Variants in ARHGAP11B observed in about 807,000 individuals in gnomAD.
ARHGAP11B encodes the protein Rho GTPase activating protein 11B, also known as inactive Rho GTPase-activating protein 11B.
In ARHGAP11B, 14 loss-of-function variants were observed where a neutral mutation model predicts 27.6. The observed-to-expected ratio is 0.51, with a 90% CI of 0.34 to 0.79. The LOEUF is 0.79. Among genes scored for constraint, ARHGAP11B ranks in the 30% least tolerant of loss-of-function variants. The pLI is 0.02. For synonymous variants in ARHGAP11B, 82 were observed against 114.1 expected (o/e 0.72, Z 1.80); for missense variants, 245 against 320.1 (o/e 0.77, Z 1.79).
intron 7 of ARHGAP11B, among the ~76,000 whole-genome samples, chr15:30,640,068 G>C (rs2060306557): frequency 6.9e-6 from 1 of 145,478 alleles, no homozygotes. Context: ...TTGGGCTTCT[G>C]GTGATAGCAT....
At chr15:30,628,693 T>C (rs1001719391) in intron 1 of ARHGAP11B, among the ~76,000 whole-genome samples, 8 of 152,100 alleles carry the variant, frequency 5.3e-5, no homozygotes, top group Non-Finnish European at 1.5e-5. Context: ...GAAACACTTA[T>C]AAGAATATTC....
At chr15:30,630,134 C>A (rs1376191609) in intron 1 of ARHGAP11B, among the ~76,000 whole-genome samples, 1 of 152,144 alleles carries the variant, frequency 6.6e-6, no homozygotes, top group Non-Finnish European at 1.5e-5. Flanking sequence ...GCCTTGCTTA[C>A]CGCAGGGCAT....
At chr15:30,640,811 A>G (rs2060310812) in intron 7 of ARHGAP11B, among the ~76,000 whole-genome samples, 2 of 152,002 alleles carry the variant, frequency 1.3e-5, no homozygotes, top group African/African-American at 4.8e-5. Flanking sequence ...GCTCATTGAA[A>G]TGTGATGATA....
intron 2 of ARHGAP11B, among the ~76,000 whole-genome samples, chr15:30,633,234 A>G (rs889187421): frequency 1.3e-5 from 2 of 151,754 alleles, no homozygotes; most frequent in African/African-American, 4.8e-5. Flanking sequence ...TCTGAAGGGA[A>G]GCAGAAATGA....
chr15:30,646,985 A>G (rs1173042821), intron 9 of ARHGAP11B, among the ~76,000 whole-genome samples: 2 of 151,922 alleles, frequency 1.3e-5, no homozygotes, highest in South Asian at 2.1e-4. Flanking sequence ...AAAACAAAAC[A>G]AAACGTGATA....
intron 7 of ARHGAP11B, among the ~76,000 whole-genome samples, chr15:30,643,846 A>G (rs2060329270): frequency 6.6e-6 from 1 of 152,074 alleles, no homozygotes; most frequent in South Asian, 2.1e-4. Flanking sequence ...TGCAGAAGTT[A>G]GGTATAGAAA....
At chr15:30,641,288 TAA>T (rs982032376) in intron 7 of ARHGAP11B, among the ~76,000 whole-genome samples, 1 of 151,678 alleles carries the variant, frequency 6.6e-6, no homozygotes, top group African/African-American at 2.4e-5. Context: ...TAAAAATATA[TAA>T]AGACAACATT....
intron 9 of ARHGAP11B, chr15:30,647,615 T>G (rs1335265850): frequency 1.2e-5 from 2 of 170,834 alleles, no homozygotes; most frequent in African/African-American, 2.4e-5. Flanking sequence ...CTGTGTTGTG[T>G]GAGTTAAATA....
At chr15:30,644,823 G>C in intron 8 of ARHGAP11B, 1 of 925,656 alleles carries the variant, frequency 1.1e-6, no homozygotes. Context: ...CTTGACAATT[G>C]GTTATATTCT....
chr15:30,641,034 C>T (rs2060311894), intron 7 of ARHGAP11B, among the ~76,000 whole-genome samples: 1 of 151,576 alleles, frequency 6.6e-6, no homozygotes, highest in African/African-American at 2.4e-5. Context: ...CATACTGATT[C>T]CTTCTTCTCC....
At chr15:30,632,888 G>A (rs2170758) in intron 2 of ARHGAP11B, among the ~76,000 whole-genome samples, 2 of 152,110 alleles carry the variant, frequency 1.3e-5, no homozygotes, top group East Asian at 1.9e-4. Context: ...GGCCTTGGAC[G>A]GAGCCCTGGG....
At chr15:30,631,047 AGAGT>A (rs1185423222) in intron 2 of ARHGAP11B, among the ~76,000 whole-genome samples, 1 of 151,700 alleles carries the variant, frequency 6.6e-6, no homozygotes, top group Non-Finnish European at 1.5e-5. Flanking sequence ...GAAGAAGAAG[AGAGT>A]AAGCATTTCA....
intron 1 of ARHGAP11B, among the ~76,000 whole-genome samples, chr15:30,628,216 A>G (rs12915725): frequency 6.6e-6 from 1 of 151,188 alleles, no homozygotes; most frequent in Non-Finnish European, 1.5e-5. Context: ...GAGTAGCTGG[A>G]ACTACAGGCG....
intron 8 of ARHGAP11B, among the ~76,000 whole-genome samples, chr15:30,645,636 C>CT (rs2060342840): frequency 6.6e-6 from 1 of 151,742 alleles, no homozygotes; most frequent in South Asian, 2.1e-4. Context: ...AGATTTTGCC[C>CT]TTTTTTTGTA....
At chr15:30,643,336 T>C (rs2060326348) in intron 7 of ARHGAP11B, among the ~76,000 whole-genome samples, 1 of 150,956 alleles carries the variant, frequency 6.6e-6, no homozygotes, top group African/African-American at 2.4e-5. Flanking sequence ...TGGAATGTAG[T>C]GGTGTGATCT....
intron 7 of ARHGAP11B, among the ~76,000 whole-genome samples, chr15:30,642,197 G>A (rs1424081723): frequency 6.6e-6 from 1 of 151,902 alleles, no homozygotes. Context: ...GAAACTTTGT[G>A]AATTCTTTAT....
chr15:30,638,860 G>T (rs1293510844), intron 7 of ARHGAP11B, 50 bp downstream of exon 7: 15 of 1,077,214 alleles, frequency 1.4e-5, no homozygotes, highest in African/African-American at 3.3e-5. Flanking sequence ...ATTAAAATTT[G>T]TATAGTATTC....
At chr15:30,635,186 A>G (rs1188405229) in exon 5 of ARHGAP11B, 2 of 1,613,172 alleles carry the variant, frequency 1.2e-6, no homozygotes, top group Admixed American at 3.3e-5. Context: ...CGCAGAAAAG[A>G]AGGTACGATT....
chr15:30,635,372 C>T (rs2060273004), intron 5 of ARHGAP11B, 115 bp from the exon 6 acceptor site: 18 of 1,444,884 alleles, frequency 1.2e-5, no homozygotes, highest in East Asian at 2.3e-5. Context: ...CCTACAGTAC[C>T]GGCCCCTCCT....
Sources: allele counts gnomAD v4.1 joint callset (sites outside exome capture counted in the v4.1 genomes callset), GRCh38; gene constraint gnomAD v4.1.1; transcripts MANE v1.5; gene names NCBI Gene and HGNC (gene_info 2026-07-23, HGNC 2026-07-21).